Variants in FAM174A observed in about 807,000 individuals in gnomAD.
The protein encoded by FAM174A is family with sequence similarity 174 member A.
A neutral mutation model predicts 14.3 loss-of-function variants in FAM174A; 14 were observed. The ratio of observed to expected loss-of-function variants is 0.98; its 90% CI spans 0.65 to 1.53. The LOEUF is 1.53. FAM174A is among the 40% of genes most tolerant of loss of function. FAM174A has a pLI of 0.00. For synonymous variants in FAM174A, 108 were observed against 111.4 expected (o/e 0.97, Z 0.19); for missense variants, 241 against 249.6 (o/e 0.97, Z 0.23).
At chr5:100,553,973 T>C (rs1294631469) in intron 1 of FAM174A, among the ~76,000 whole-genome samples, 1 of 152,182 alleles carries the variant, frequency 6.6e-6, no homozygotes, top group African/African-American at 2.4e-5. Flanking sequence ...CTAGCCAACA[T>C]GTCTTGTGAC....
At chr5:100,560,516 C>T (rs944441994) in intron 1 of FAM174A, among the ~76,000 whole-genome samples, 2 of 152,010 alleles carry the variant, frequency 1.3e-5, no homozygotes, top group African/African-American at 2.4e-5. Context: ...TAGGTAATGA[C>T]TGGTGGAAAT....
intron 2 of FAM174A, among the ~76,000 whole-genome samples, chr5:100,569,439 A>G (rs565758773): frequency 6.6e-6 from 1 of 151,918 alleles, no homozygotes; most frequent in African/African-American, 2.4e-5. Flanking sequence ...TGGCTATAGC[A>G]TAATAACCAT....
intron 1 of FAM174A, among the ~76,000 whole-genome samples, chr5:100,559,123 G>T (rs1240441016): frequency 6.6e-6 from 1 of 152,042 alleles, no homozygotes; most frequent in African/African-American, 2.4e-5. Flanking sequence ...GCTCATTTAG[G>T]GCAGGCCTGA....
intron 1 of FAM174A, among the ~76,000 whole-genome samples, chr5:100,539,113 T>A (rs1364299923): frequency 2.6e-5 from 4 of 152,156 alleles, no homozygotes; most frequent in Non-Finnish European, 5.9e-5. Flanking sequence ...CTTTAGCAAG[T>A]CTCTTCCAAT....
At chr5:100,572,990 C>A (rs922694912) in intron 2 of FAM174A, among the ~76,000 whole-genome samples, 1 of 152,158 alleles carries the variant, frequency 6.6e-6, no homozygotes, top group African/African-American at 2.4e-5. Flanking sequence ...ATTTGCATTT[C>A]TCTGATGGCC....
At chr5:100,565,974 T>C (rs1746635722) in intron 2 of FAM174A, among the ~76,000 whole-genome samples, 1 of 150,508 alleles carries the variant, frequency 6.6e-6, no homozygotes, top group South Asian at 2.1e-4. Flanking sequence ...ATGAGACTTA[T>C]TCAATATCAT....
chr5:100,536,267 A>G (rs1745940228), intron 1 of FAM174A, among the ~76,000 whole-genome samples: 1 of 152,140 alleles, frequency 6.6e-6, no homozygotes, highest in Non-Finnish European at 1.5e-5. Context: ...ATTCCCTAGA[A>G]TTTTGACTAC....
At chr5:100,556,937 T>C (rs1457035324) in intron 1 of FAM174A, among the ~76,000 whole-genome samples, 2 of 152,136 alleles carry the variant, frequency 1.3e-5, no homozygotes, top group East Asian at 1.9e-4. Context: ...CCTTTATTTC[T>C]TTCTCCTGCC....
chr5:100,535,479 C>T lies in FAM174A; in HGVS notation c.-52C>T. ...CCGCGCCTATGGTCCCTCTTGGAGC[C>T]AGCGTGGCGGGCCTGGCGGCTCCCG... On this transcript the variant is annotated 5_prime_UTR_variant, in exon 1 of 3. Transcript: ENST00000312637. 6.3e-7 allele frequency: 1 copy of T among 1,595,208 alleles called. No individual in the cohort carries two copies. The highest frequency in any genetic ancestry group is 1.1e-5 in the South Asian group (1 of 88,480).
At chr5:100,554,602 G>T (rs1374186340) in intron 1 of FAM174A, among the ~76,000 whole-genome samples, 1 of 151,796 alleles carries the variant, frequency 6.6e-6, no homozygotes, top group East Asian at 1.9e-4. Flanking sequence ...GAGTAACCAC[G>T]CCTGGACTAT....
intron 2 of FAM174A, among the ~76,000 whole-genome samples, chr5:100,564,127 T>G (rs940334214): frequency 2.0e-5 from 3 of 151,848 alleles, no homozygotes; most frequent in African/African-American, 7.2e-5. Context: ...CTCCCTGATA[T>G]ATGCTCAGAA....
At chr5:100,558,418 A>AT (rs955048647) in intron 1 of FAM174A, among the ~76,000 whole-genome samples, 4 of 152,090 alleles carry the variant, frequency 2.6e-5, no homozygotes, top group African/African-American at 9.7e-5. Context: ...TATTCTGTTG[A>AT]TTTGGGGTGG....
chr5:100,564,829 A>C (rs1746606600), intron 2 of FAM174A, among the ~76,000 whole-genome samples: 1 of 151,924 alleles, frequency 6.6e-6, no homozygotes, highest in Non-Finnish European at 1.5e-5. Context: ...AATCAAAAAG[A>C]AATTCGAAGT....
intron 2 of FAM174A, among the ~76,000 whole-genome samples, chr5:100,575,999 A>G (rs1746897291): frequency 6.6e-6 from 1 of 152,210 alleles, no homozygotes; most frequent in South Asian, 2.1e-4. Context: ...TATCCACAGA[A>G]TAACAGGAAG....
At chr5:100,578,169 A>C (rs1746938984) in intron 2 of FAM174A, among the ~76,000 whole-genome samples, 1 of 152,104 alleles carries the variant, frequency 6.6e-6, no homozygotes, top group Non-Finnish European at 1.5e-5. Context: ...TTTACATAGG[A>C]TCTAATCTTC....
At chr5:100,562,268 C>A in intron 2 of FAM174A, 80 bp downstream of exon 2, 1 of 1,273,214 alleles carries the variant, frequency 7.9e-7, no homozygotes, top group Non-Finnish European at 1.1e-6. Context: ...AGTAGACTTT[C>A]ATTTAACAGC....
Position 100,565,069 on chromosome 5 carries a change from C to T in FAM174A, c.569+2881C>T, listed in dbSNP as rs1435376750. On this transcript the variant is annotated intron_variant, in intron 2 of 2. Transcript: ENST00000312637. ...CAAAGCCAGACGAAGGAAAGCAAAC[C>T]GCAGGCCAATACTCCTGATGAACAT... Among the ~76,000 whole-genome samples the T allele has an allele frequency of 2.7e-5, 4 of 149,430 alleles. No individual in the cohort carries two copies. The South Asian group carries it at 6.3e-4, about 23-fold the overall frequency.
intron 1 of FAM174A, among the ~76,000 whole-genome samples, chr5:100,550,520 G>T (rs1464827422): frequency 6.6e-6 from 1 of 151,948 alleles, no homozygotes; most frequent in African/African-American, 2.4e-5. Flanking sequence ...TATTTATCAG[G>T]CATCAACTTT....
chr5:100,535,502 C>T lies in FAM174A; in HGVS notation c.-29C>T. ...GCCAGCGTGGCGGGCCTGGCGGCTC[C>T]CGGGTGGTGAGAGAGCGGTCCGGGA... On this transcript the variant is annotated 5_prime_UTR_variant, in exon 1 of 3. Coordinates refer to ENST00000312637, the MANE Select transcript of FAM174A (RefSeq NM_198507.3). 4.4e-6 allele frequency: 7 copies of T among 1,607,112 alleles called. No homozygotes were observed. Among genetic ancestry groups the T allele is most frequent in the Non-Finnish European group, 5.9e-6 (7 of 1,176,832 alleles).
Sources: gnomAD v4.1 joint callset for allele counts (sites outside exome capture counted in the v4.1 genomes callset) on GRCh38, gnomAD v4.1.1 for gene constraint, MANE v1.5 for transcripts, NCBI Gene and HGNC (gene_info 2026-07-23, HGNC 2026-07-21) for gene names.